The following SEM1 variants were observed in gnomAD, a reference collection of about 807,000 sequenced individuals.
SEM1 encodes SEM1 26S proteasome subunit.
A neutral mutation model predicts 12.7 loss-of-function variants in SEM1; 3 were observed. The ratio of observed to expected loss-of-function variants is 0.24; its 90% CI spans 0.11 to 0.61. SEM1 has a LOEUF of 0.61. SEM1 is among the 20% of genes least tolerant of loss of function. The pLI is 0.88. For missense variants in SEM1, 59 were observed against 81.3 expected (o/e 0.73, Z 1.06); for synonymous variants, 30 against 27.8 (o/e 1.08, Z -0.25).
rs67174798 is a variant in SEM1, at chr7:96,703,972, AACACACACACAC to A, written c.76+5704_76+5715del. Among the ~76,000 whole-genome samples, 980 of 142,174 alleles carry A rather than the reference AACACACACACAC, an allele frequency of 6.9e-3. 10 individuals carry two copies. The highest frequency in any genetic ancestry group is 0.025 in the African/African-American group (920 of 37,466). 93.3% of individuals were successfully genotyped at this position (142,174 alleles called of 152,430 possible). On this transcript the variant is annotated intron_variant, in intron 1 of 2. Coordinates refer to ENST00000248566, the MANE Select transcript of SEM1 (RefSeq NM_006304.2). ...CCAGAGCAAGACCTTGTCTCTTAAAAACACACACACACACACACACACACACACACACACACA... is the reference window on the plus strand; with the variant it reads ...CCAGAGCAAGACCTTGTCTCTTAAAAACACACACACACACACACACACACA...
chr7:96,517,927 G>A (rs1804146520), intron 2 of SEM1, among the ~76,000 whole-genome samples: 1 of 152,132 alleles, frequency 6.6e-6, no homozygotes, highest in Non-Finnish European at 1.5e-5. Flanking sequence ...AGGTATATAT[G>A]TAGATGGAGA....
chr7:96,648,060 T>C (rs1051376107), intron 2 of SEM1, among the ~76,000 whole-genome samples: 17 of 152,210 alleles, frequency 1.1e-4, no homozygotes, highest in Non-Finnish European at 7.3e-5. Context: ...CACACAACAC[T>C]GGCTGCATCT....
chr7:96,696,166 C>G (rs985182200), intron 1 of SEM1: 1 of 151,772 alleles, frequency 6.6e-6, no homozygotes, highest in Non-Finnish European at 1.5e-5. Flanking sequence ...TCTCCCTCGT[C>G]TAATAACCAT....
chr7:96,546,095 G>C (rs571284757), intron 2 of SEM1, among the ~76,000 whole-genome samples: 4 of 152,190 alleles, frequency 2.6e-5, no homozygotes, highest in African/African-American at 9.6e-5. Flanking sequence ...TTCTTGGAGA[G>C]GGGGTTGCTT....
intron 2 of SEM1, among the ~76,000 whole-genome samples, chr7:96,659,906 A>G (rs1270360332): frequency 7.3e-6 from 1 of 137,698 alleles, no homozygotes; most frequent in Non-Finnish European, 1.6e-5. Context: ...GAAAGAAAGT[A>G]AGATGGCAAA....
At chr7:96,532,041 T>C (rs926043983) in intron 2 of SEM1, among the ~76,000 whole-genome samples, 1 of 152,092 alleles carries the variant, frequency 6.6e-6, no homozygotes, top group Non-Finnish European at 1.5e-5. Flanking sequence ...CCCTGGGACA[T>C]TGTAAGTGAT....
intron 2 of SEM1, among the ~76,000 whole-genome samples, chr7:96,656,295 T>C (rs988238217): frequency 6.6e-6 from 1 of 152,206 alleles, no homozygotes; most frequent in African/African-American, 2.4e-5. Context: ...TCATGCCTAC[T>C]GCCTGACCAT....
At chr7:96,518,512 G>A (rs566818101) in intron 2 of SEM1, among the ~76,000 whole-genome samples, 1 of 152,256 alleles carries the variant, frequency 6.6e-6, no homozygotes, top group Non-Finnish European at 1.5e-5. Flanking sequence ...GACCACTGAT[G>A]TGACCATTTG....
intron 2 of SEM1, among the ~76,000 whole-genome samples, chr7:96,683,081 T>A (rs181183570): frequency 6.6e-6 from 1 of 151,680 alleles, no homozygotes; most frequent in Non-Finnish European, 1.5e-5. Flanking sequence ...GATGTAGAAA[T>A]AGGAACGCTT....
intron 2 of SEM1, among the ~76,000 whole-genome samples, chr7:96,579,973 TTTA>T (rs1806334706): frequency 6.6e-6 from 1 of 151,680 alleles, no homozygotes; most frequent in Admixed American, 6.6e-5. Flanking sequence ...AATTTATTTA[TTTA>T]TTATTATTAT....
At chr7:96,564,754 T>G (rs964829926) in intron 2 of SEM1, among the ~76,000 whole-genome samples, 1 of 152,040 alleles carries the variant, frequency 6.6e-6, no homozygotes, top group Non-Finnish European at 1.5e-5. Flanking sequence ...TTACACCCTT[T>G]TGATGGCTCT....
rs115436817 is a variant in SEM1, at chr7:96,526,848, C to T, written c.171-20150G>A. Among the ~76,000 whole-genome samples, 1,243 of 151,948 alleles carry T rather than the reference C, an allele frequency of 8.2e-3. 17 individuals carry two copies. The highest frequency in any genetic ancestry group is 0.029 in the African/African-American group (1,183 of 41,420). On this transcript the variant is annotated intron_variant and NMD_transcript_variant, in intron 2 of 3. Coordinates refer to the SEM1 transcript ENST00000466986. ...CAGACATATTAGTTTCAATGACAGT[C>T]GTCCTCCTCCTCCTTAAAAAAAAAA...
intron 2 of SEM1, among the ~76,000 whole-genome samples, chr7:96,634,837 G>T (rs1808381210): frequency 6.6e-6 from 1 of 151,886 alleles, no homozygotes; most frequent in African/African-American, 2.4e-5. Flanking sequence ...ACAGGAGTTA[G>T]ATTTTGTAGG....
At chr7:96,486,229 C>T (rs1415165715) in exon 2 of SEM1, 19 of 1,535,976 alleles carry the variant, frequency 1.2e-5, no homozygotes, top group Middle Eastern at 1.7e-4. Context: ...ACTCTGTTGT[C>T]GCTCTGGAGT....
rs1290989906 is a variant in SEM1 at position 96,645,384 on chromosome 7, G to C, written c.171-22741C>G. The C allele has an allele frequency of 7.1e-5, 12 of 169,362 alleles. No homozygotes were observed. In the Admixed American group the frequency reaches 7.6e-4, roughly 11 times the overall value. 10.5% of individuals were successfully genotyped at this position (169,362 alleles called of 1,614,324 possible). A position where few individuals can be genotyped will look rare whatever the true frequency, so the allele number is the denominator to read the frequency against. Reference sequence around the variant, plus strand: ...TAGGTTCAGGGAACATTAGAAACAGGAAAGCGGGCACAAACCCCAGACAAA... The same window carrying C: ...TAGGTTCAGGGAACATTAGAAACAGCAAAGCGGGCACAAACCCCAGACAAA... On this transcript the variant is annotated intron_variant, in intron 2 of 2. Coordinates refer to the SEM1 transcript ENST00000417009.
intron 2 of SEM1, among the ~76,000 whole-genome samples, chr7:96,623,526 A>C (rs1034624986): frequency 4.1e-5 from 6 of 147,882 alleles, no homozygotes; most frequent in Middle Eastern, 3.6e-3. Context: ...AAATATATTC[A>C]TATATACTTG....
chr7:96,559,098 C>T (rs537671457), intron 2 of SEM1, among the ~76,000 whole-genome samples: 1 of 152,300 alleles, frequency 6.6e-6, no homozygotes, highest in Admixed American at 6.5e-5. Flanking sequence ...AGTTACTATG[C>T]TTTAGGGATA....
chr7:96,566,378 A>C (rs976316784), intron 2 of SEM1, among the ~76,000 whole-genome samples: 4 of 151,632 alleles, frequency 2.6e-5, no homozygotes, highest in Admixed American at 6.6e-5. Flanking sequence ...AATGGTTGAC[A>C]AGGCTGAAAA....
At chr7:96,608,167 T>TA (rs1807441017) in intron 2 of SEM1, among the ~76,000 whole-genome samples, 2 of 152,114 alleles carry the variant, frequency 1.3e-5, no homozygotes, top group Admixed American at 6.5e-5. Context: ...AAAGGAGGAA[T>TA]AAGAAGTTAC....
Sources: gnomAD v4.1 joint callset for allele counts (sites outside exome capture counted in the v4.1 genomes callset) on GRCh38, gnomAD v4.1.1 for gene constraint, MANE v1.5 for transcripts, NCBI Gene and HGNC (gene_info 2026-07-23, HGNC 2026-07-21) for gene names.